Variants in RPS6KA2 observed in about 807,000 individuals in gnomAD.
RPS6KA2 encodes ribosomal protein S6 kinase alpha-2.
Under a neutral mutation model 91.8 loss-of-function variants are expected in RPS6KA2, and 42 were observed. The ratio of observed to expected loss-of-function variants is 0.46; its 90% CI spans 0.36 to 0.59. RPS6KA2 has a LOEUF of 0.59. Ranked by LOEUF, RPS6KA2 falls within the 20% of genes least tolerant of loss-of-function variation. The pLI is 0.00. For synonymous variants in RPS6KA2, 414 were observed against 393.6 expected, an observed-to-expected ratio of 1.05 and a Z score of -0.61; for missense variants, 798 against 978.5, an observed-to-expected ratio of 0.82 and a Z score of 2.46.
At chr6:166,546,234 G>A (rs1188440942) in intron 1 of RPS6KA2, among the ~76,000 whole-genome samples, 1 of 152,152 alleles carries the variant, frequency 6.6e-6, no homozygotes, top group Non-Finnish European at 1.5e-5. Flanking sequence ...CTCACACTCG[G>A]GGCAGGTGGA....
At chr6:166,529,462 C>T (rs572593650) in intron 3 of RPS6KA2, among the ~76,000 whole-genome samples, 15 of 152,110 alleles carry the variant, frequency 9.9e-5, no homozygotes, top group East Asian at 5.8e-4. Flanking sequence ...AGGAGATGTA[C>T]CTAATGTAAA....
intron 3 of RPS6KA2, among the ~76,000 whole-genome samples, chr6:166,530,695 G>A (rs543430712): frequency 1.3e-5 from 2 of 152,338 alleles, no homozygotes; most frequent in South Asian, 4.1e-4. Flanking sequence ...AAGACTGTGA[G>A]CCTGGAACGG....
intron 2 of RPS6KA2, among the ~76,000 whole-genome samples, chr6:166,741,290 G>C (rs1424281065): frequency 2.6e-5 from 4 of 152,214 alleles, no homozygotes; most frequent in African/African-American, 4.8e-5. Flanking sequence ...TGGTGGGAAA[G>C]GAAGGGGTGG....
rs1253126408 is a variant in RPS6KA2, at chr6:166,435,180, G to C, written c.1333-2690C>G. Among the ~76,000 whole-genome samples the C allele has an allele frequency of 6.6e-6, 1 of 152,134 alleles. No individual in the cohort carries two copies. Among genetic ancestry groups the C allele is most frequent in the Admixed American group, 6.5e-5 (1 of 15,278 alleles). On this transcript the variant is annotated intron_variant, in intron 14 of 20. Transcript: ENST00000265678. This position sits in a 1 kb window ranked among gnomAD's most constrained non-coding sequence, Gnocchi z 4.3. ...ACAGATGGCTGCCCTCTCAACCCTA[G>C]TATCTATTTTATTTCTATGTGTTCT...
chr6:166,567,665 C>T (rs1784543512), intron 1 of RPS6KA2, among the ~76,000 whole-genome samples: 1 of 152,184 alleles, frequency 6.6e-6, no homozygotes, highest in Non-Finnish European at 1.5e-5. Context: ...TTCACTGTAT[C>T]ACTGAACTGA....
At chr6:166,736,365 CTG>C (rs1215055460) in intron 2 of RPS6KA2, among the ~76,000 whole-genome samples, 1 of 152,234 alleles carries the variant, frequency 6.6e-6, no homozygotes, top group Non-Finnish European at 1.5e-5. Context: ...CACACCGTAA[CTG>C]TGTGTTGCCT....
intron 2 of RPS6KA2, among the ~76,000 whole-genome samples, chr6:166,764,365 A>G (rs1778250882): frequency 6.6e-6 from 1 of 152,088 alleles, no homozygotes; most frequent in Non-Finnish European, 1.5e-5. Context: ...GTGGCCGAGG[A>G]GCAGGGTGCT....
intron 2 of RPS6KA2, among the ~76,000 whole-genome samples, chr6:166,837,142 G>T (rs1462104887): frequency 6.6e-6 from 1 of 152,182 alleles, no homozygotes; most frequent in African/African-American, 2.4e-5. Context: ...GCGTGGTGAG[G>T]CCAGGGGGCT....
chr6:166,787,561 T>C (rs963270972), intron 2 of RPS6KA2, among the ~76,000 whole-genome samples: 5 of 152,164 alleles, frequency 3.3e-5, no homozygotes, highest in African/African-American at 1.2e-4. Flanking sequence ...GTCTCTTCTT[T>C]ATTACATTTA....
At chr6:166,566,751 G>A (rs1784517254) in intron 1 of RPS6KA2, among the ~76,000 whole-genome samples, 4 of 152,204 alleles carry the variant, frequency 2.6e-5, no homozygotes, top group Admixed American at 2.6e-4. Context: ...CTTGCTAGAG[G>A]GGCGGGGATG....
At chr6:166,590,529 A>G (rs914184914) in intron 1 of RPS6KA2, among the ~76,000 whole-genome samples, 1 of 152,192 alleles carries the variant, frequency 6.6e-6, no homozygotes, top group Non-Finnish European at 1.5e-5. Context: ...CAGCAGCACA[A>G]TTGAAATCCT....
intron 10 of RPS6KA2, among the ~76,000 whole-genome samples, chr6:166,480,746 C>A (rs1399246262): frequency 6.6e-6 from 1 of 151,876 alleles, no homozygotes; most frequent in African/African-American, 2.4e-5. Context: ...AACTCCTGAC[C>A]TCAGGTGATC....
chr6:166,712,302 G>A (rs532175569), intron 2 of RPS6KA2, among the ~76,000 whole-genome samples: 139 of 152,348 alleles, frequency 9.1e-4, no homozygotes, highest in African/African-American at 3.1e-3. Flanking sequence ...GCAGCAGGCA[G>A]AAGGAGCTCT....
intron 2 of RPS6KA2, among the ~76,000 whole-genome samples, chr6:166,752,706 C>G (rs1279131667): frequency 6.6e-6 from 1 of 152,150 alleles, no homozygotes; most frequent in Non-Finnish European, 1.5e-5. Flanking sequence ...AGGAAAAGCA[C>G]GGATCACAAC....
chr6:166,789,252 C>T (rs183950072), intron 2 of RPS6KA2, among the ~76,000 whole-genome samples: 166 of 152,346 alleles, frequency 1.1e-3, no homozygotes, highest in Non-Finnish European at 1.9e-3. Context: ...CACGGAGTCT[C>T]GCTGATTGCT....
chr6:166,776,377 G>T (rs1012671588), intron 2 of RPS6KA2, among the ~76,000 whole-genome samples: 1 of 152,156 alleles, frequency 6.6e-6, no homozygotes, highest in African/African-American at 2.4e-5. Flanking sequence ...GGCATTTTCC[G>T]TTTCTGTAAT....
Position 166,626,447 on chromosome 6 carries a change from A to C in RPS6KA2, c.99+474T>G, listed in dbSNP as rs1786878506. On this transcript the variant is annotated intron_variant, in intron 1 of 20. Coordinates refer to ENST00000265678, the MANE Select transcript of RPS6KA2 (RefSeq NM_021135.6). This position sits in a 1 kb window ranked among gnomAD's most constrained non-coding sequence, Gnocchi z 4.1. ...TTCTACACTGACTTCAAGTGCACGAATGAGCTACAAGATAAGGTGGAACCT... is the reference window on the plus strand; with the variant it reads ...TTCTACACTGACTTCAAGTGCACGACTGAGCTACAAGATAAGGTGGAACCT... Among the ~76,000 whole-genome samples, 1 of 152,234 alleles carries C rather than the reference A, an allele frequency of 6.6e-6. No individual in the cohort carries two copies. Among genetic ancestry groups the C allele is most frequent in the South Asian group, 2.1e-4 (1 of 4,836 alleles).
chr6:166,588,936 G>T (rs1785273461), intron 1 of RPS6KA2, among the ~76,000 whole-genome samples: 1 of 152,194 alleles, frequency 6.6e-6, no homozygotes. Context: ...GCTTTCTCAG[G>T]GCTGACTTCC....
chr6:166,562,479 T>C (rs1045064945), intron 1 of RPS6KA2, among the ~76,000 whole-genome samples: 3 of 152,108 alleles, frequency 2.0e-5, no homozygotes, highest in African/African-American at 7.2e-5. Flanking sequence ...GAGAGAAACA[T>C]GAAAATTTAT....
Sources: allele counts gnomAD v4.1 joint callset (sites outside exome capture counted in the v4.1 genomes callset), GRCh38; gene constraint gnomAD v4.1.1; non-coding constraint Gnocchi (gnomAD v3.1); transcripts MANE v1.5; gene names NCBI Gene and HGNC (gene_info 2026-07-23, HGNC 2026-07-21).